Variants in RANBP2 observed in about 807,000 individuals in gnomAD.
The protein encoded by RANBP2 is RAN binding protein 2, also known as E3 SUMO-protein ligase RanBP2.
Under a neutral mutation model 303.6 loss-of-function variants are expected in RANBP2, and 57 were observed. The observed-to-expected ratio is 0.19, with a 90% CI of 0.15 to 0.23. RANBP2 has a LOEUF of 0.23. Among genes scored for constraint, RANBP2 ranks in the 10% least tolerant of loss-of-function variants. The pLI, the probability that RANBP2 is intolerant of heterozygous loss-of-function variation, is 1.00. For synonymous variants in RANBP2, 1,167 were observed against 1,301.5 expected, an observed-to-expected ratio of 0.90 and a Z score of 2.23; for missense variants, 3,138 against 3,780.8, an observed-to-expected ratio of 0.83 and a Z score of 4.46.
the RANBP2 span, among the ~76,000 whole-genome samples, chr2:109,259,062 C>T: frequency 6.6e-6 from 1 of 152,220 alleles, no homozygotes; most frequent in African/African-American, 2.4e-5. Flanking sequence ...TGCCAGGGCC[C>T]TAGTTTCCAT....
At chr2:109,268,202 G>A in the RANBP2 span, among the ~76,000 whole-genome samples, 5 of 152,060 alleles carry the variant, frequency 3.3e-5, no homozygotes, top group Non-Finnish European at 7.4e-5. Flanking sequence ...GGCTAGAATA[G>A]GTTTATCTTC....
At chr2:109,049,937 C>G in the RANBP2 span, among the ~76,000 whole-genome samples, 1 of 152,174 alleles carries the variant, frequency 6.6e-6, no homozygotes, top group Non-Finnish European at 1.5e-5. Context: ...CTTGTCTCCT[C>G]TGGGTTCTGT....
chr2:109,267,036 G>T, the RANBP2 span, among the ~76,000 whole-genome samples: 1 of 152,150 alleles, frequency 6.6e-6, no homozygotes, highest in African/African-American at 2.4e-5. Context: ...GACAGAGGTG[G>T]ATAAAAGCAT....
At position 108,758,448 on chromosome 2, in the gene RANBP2, C is replaced by T; in HGVS notation, c.2502C>T (p.Asn834=). 6.2e-7 allele frequency: 1 copy of T among 1,611,528 alleles called. No individual in the cohort carries two copies. Among genetic ancestry groups the T allele is most frequent in the Non-Finnish European group, 8.5e-7 (1 of 1,179,816 alleles). The change falls in exon 18 of 29, where the codon AAC becomes AAT. Residue 834 remains asparagine, a synonymous_variant. Coordinates refer to ENST00000283195, the MANE Select transcript of RANBP2 (RefSeq NM_006267.5). ...EMQELKLNSS[N]SASPHRWPTE... is the part of the protein sequence containing the mutation. ...AGGAGTTGAAACTAAATAGCAGTAA[C>T]TCAGCATCCCCTCATCGTTGGCCCA... is the stretch of plus-strand genomic sequence containing the variant.
the RANBP2 span, among the ~76,000 whole-genome samples, chr2:109,408,612 G>T: frequency 6.6e-6 from 1 of 152,242 alleles, no homozygotes; most frequent in Non-Finnish European, 1.5e-5. Flanking sequence ...GCAAGAGAGT[G>T]CTTTCCCTCT....
the RANBP2 span, among the ~76,000 whole-genome samples, chr2:109,075,579 CAAAA>C: frequency 4.6e-5 from 5 of 109,688 alleles, no homozygotes; most frequent in African/African-American, 1.0e-4. Flanking sequence ...CTTAGACAAA[CAAAA>C]AAAAAAAAAA....
the RANBP2 span, among the ~76,000 whole-genome samples, chr2:109,182,028 T>G: frequency 6.6e-6 from 1 of 152,190 alleles, no homozygotes; most frequent in South Asian, 2.1e-4. Flanking sequence ...TCAAAAAAAT[T>G]ATCTATGTGA....
In RANBP2 at chr2:108,740,641, T is replaced by C. The variant is rs889066186; in HGVS notation, c.935T>C (p.Leu312Pro). Residue 312 changes from leucine (L) to proline (P), a missense_variant, in exon 7 of 29, where the codon CTT becomes CCT. Physicochemically the swap from Leu to Pro is moderately conservative, Grantham distance 98 (BLOSUM62 -3). Around this residue, in one of 20 missense-constraint regions of RANBP2, gnomAD observed 306 missense variants for 381.9 expected, o/e 0.80. Coordinates refer to ENST00000283195, the MANE Select transcript of RANBP2 (RefSeq NM_006267.5). ...AGTAGTAATGTTCAATGGCGAGCTC[T>C]TTCTGAGCTGGCTGCATTGTGCTAT... is the stretch of plus-strand genomic sequence containing the variant. ...QHSSNVQWRA[L>P]SELAALCYLI... The C allele has an allele frequency of 6.3e-7, 1 of 1,597,436 alleles. No individual in the cohort carries two copies. The highest frequency in any genetic ancestry group is 1.3e-5 in the African/African-American group (1 of 74,854).
the RANBP2 span, among the ~76,000 whole-genome samples, chr2:108,800,136 G>C: frequency 1.3e-5 from 2 of 152,054 alleles, no homozygotes; most frequent in Non-Finnish European, 2.9e-5. Context: ...TTCTTTGTAT[G>C]TTCAGTGATT....
chr2:109,207,822 T>TA, the RANBP2 span, among the ~76,000 whole-genome samples: 1 of 152,104 alleles, frequency 6.6e-6, no homozygotes, highest in Non-Finnish European at 1.5e-5. Flanking sequence ...TTTTCTTTTT[T>TA]AAAAAAAATT....
chr2:109,654,321 T>G, the RANBP2 span, among the ~76,000 whole-genome samples: 2 of 152,036 alleles, frequency 1.3e-5, no homozygotes, highest in Admixed American at 6.6e-5. Context: ...GTTTGGGGTC[T>G]AGTCCTCTGC....
the RANBP2 span, among the ~76,000 whole-genome samples, chr2:108,957,599 T>C: frequency 6.6e-6 from 1 of 152,234 alleles, no homozygotes; most frequent in East Asian, 1.9e-4. Context: ...GCCACACACC[T>C]GGATAAACGT....
the RANBP2 span, among the ~76,000 whole-genome samples, chr2:109,220,442 G>A: frequency 2.0e-5 from 3 of 152,226 alleles, no homozygotes; most frequent in South Asian, 4.2e-4. Flanking sequence ...TCATCAAAAC[G>A]CAAAAGTTTT....
chr2:109,296,864 C>G, the RANBP2 span, among the ~76,000 whole-genome samples: 1 of 152,180 alleles, frequency 6.6e-6, no homozygotes, highest in Non-Finnish European at 1.5e-5. Context: ...CCTGACAGCA[C>G]TGCTATAGCA....
chr2:109,604,329 C>T, the RANBP2 span, among the ~76,000 whole-genome samples: 1 of 106,306 alleles, frequency 9.4e-6, no homozygotes, highest in Non-Finnish European at 1.8e-5. Context: ...GGTGACAGAG[C>T]GGGACCCCAT....
At chr2:108,989,237 C>A in the RANBP2 span, 1 of 152,810 alleles carries the variant, frequency 6.5e-6, no homozygotes, top group Non-Finnish European at 1.5e-5. Context: ...TCAGTCCTTG[C>A]CGAGGGGCTT....
chr2:108,781,163 T>C, intron 25 of RANBP2, 106 bp from the exon 26 acceptor site: 1 of 1,111,380 alleles, frequency 9.0e-7, no homozygotes, highest in Admixed American at 2.0e-5. Flanking sequence ...TTAAAATTGA[T>C]GTACATATTA....
At chr2:109,319,272 T>C in the RANBP2 span, among the ~76,000 whole-genome samples, 1 of 152,100 alleles carries the variant, frequency 6.6e-6, no homozygotes, top group Non-Finnish European at 1.5e-5. Flanking sequence ...TGAGAAAGAG[T>C]TGGTTCCTGG....
At chr2:109,436,254 G>A in the RANBP2 span, among the ~76,000 whole-genome samples, 1 of 152,304 alleles carries the variant, frequency 6.6e-6, no homozygotes, top group Non-Finnish European at 1.5e-5. Flanking sequence ...TCACATCGCT[G>A]CCTCCAGGAC....
Sources: gnomAD v4.1 joint callset for allele counts (sites outside exome capture counted in the v4.1 genomes callset) on GRCh38, gnomAD v4.1.1 for gene constraint, gnomAD v4.1.1 regional missense constraint, MANE v1.5 for transcripts, NCBI Gene and HGNC (gene_info 2026-07-23, HGNC 2026-07-21) for gene names.